Variants in MYL4 observed in about 807,000 individuals in gnomAD.
MYL4 encodes myosin light chain 4, also known as atrial myosin light chain 1.
Under a neutral mutation model 21.6 loss-of-function variants are expected in MYL4, and 16 were observed. The ratio of observed to expected loss-of-function variants is 0.74; its 90% CI spans 0.50 to 1.12. The LOEUF is 1.12. Among genes scored for constraint, MYL4 ranks in the 50% most tolerant of loss-of-function variants. The pLI is 0.00. For missense variants in MYL4, 249 were observed against 252.9 expected (o/e 0.98, Z 0.11); for synonymous variants, 82 against 95.7 (o/e 0.86, Z 0.83).
At chr17:47,205,535 CA>C (rs1469965746), upstream of MYL4, among the ~76,000 whole-genome samples, 2 of 152,202 alleles carry the variant, frequency 1.3e-5, no homozygotes, top group African/African-American at 4.8e-5. Flanking sequence ...TTAGTAAAAA[CA>C]AGGCCAGGGG....
chr17:47,206,270 C>T (rs530175180), upstream of MYL4, among the ~76,000 whole-genome samples: 102 of 152,080 alleles, frequency 6.7e-4, no homozygotes, highest in South Asian at 7.1e-3. Context: ...AACCTCATAG[C>T]TCTGTTCCCA....
upstream of MYL4, among the ~76,000 whole-genome samples, chr17:47,205,775 T>C (rs73327180): frequency 0.016 from 2,507 of 152,302 alleles, 55 homozygotes; most frequent in African/African-American, 0.056. Context: ...CCCTAGAGAC[T>C]TGCCACATGC....
Position 47,209,373 on chromosome 17 carries a change from C to G in MYL4, c.-50C>G, listed in dbSNP as rs199619967. 63 of 1,613,452 alleles carry G rather than the reference C, an allele frequency of 3.9e-5. No homozygotes were observed. Among genetic ancestry groups the G allele is most frequent in the Non-Finnish European group, 5.3e-5 (62 of 1,179,822 alleles). Reference sequence around the variant, plus strand: ...ATCTCATCTCCCAGACGCCACGTCTCTCGGTTTCTTCTTAGATCACTCCTC... The same window carrying G: ...ATCTCATCTCCCAGACGCCACGTCTGTCGGTTTCTTCTTAGATCACTCCTC... On this transcript the variant is annotated 5_prime_UTR_variant, in exon 1 of 7. Coordinates refer to ENST00000393450, the MANE Select transcript of MYL4 (RefSeq NM_002476.2).
At chr17:47,226,751 C>T (rs781080085), downstream of MYL4, among the ~76,000 whole-genome samples, 12 of 152,222 alleles carry the variant, frequency 7.9e-5, no homozygotes, top group Non-Finnish European at 1.0e-4. Context: ...GTTCTTTTAT[C>T]GTATGGTGTC....
chr17:47,205,285 G>T (rs2064723271), upstream of MYL4, among the ~76,000 whole-genome samples: 1 of 152,136 alleles, frequency 6.6e-6, no homozygotes, highest in African/African-American at 2.4e-5. Context: ...AAGTTGTTTG[G>T]CTGCCAGTAC....
the MYL4 span, among the ~76,000 whole-genome samples, chr17:47,192,815 C>G: frequency 6.6e-6 from 1 of 152,192 alleles, no homozygotes; most frequent in African/African-American, 2.4e-5. Flanking sequence ...CTTAAACTCG[C>G]TATTCATCAA....
At position 47,221,671 on chromosome 17, in the gene MYL4, C is replaced by A; in HGVS notation, c.314-11C>A. On this transcript the variant is annotated splice_polypyrimidine_tract_variant and intron_variant, in intron 3 of 6. Transcript: ENST00000393450. ...CATTGATTTCTCTTTCTTTACCCTGCCTGCCTGAAGAGATGAATGTCAAGA... is the reference window on the plus strand; with the variant it reads ...CATTGATTTCTCTTTCTTTACCCTGACTGCCTGAAGAGATGAATGTCAAGA... 1 of 1,608,608 alleles carries A rather than the reference C, an allele frequency of 6.2e-7. No homozygotes were observed. The highest frequency in any genetic ancestry group is 8.5e-7 in the Non-Finnish European group (1 of 1,176,476).
Position 47,220,019 on chromosome 17 carries a change from G to A in MYL4, c.279G>A (p.Glu93=). The A allele has an allele frequency of 1.2e-6, 2 of 1,614,110 alleles. No homozygotes were observed. Among genetic ancestry groups the A allele is most frequent in the Non-Finnish European group, 8.5e-7 (1 of 1,179,970 alleles). ...TGGGCCAGAACCCTACCAATGCCGA[G>A]GTGCTGCGTGTGCTGGGCAAGCCCA... ...RALGQNPTNA[E]VLRVLGKPKP... The change falls in exon 3 of 7, where the codon GAG becomes GAA. Residue 93 remains glutamate (E), a synonymous_variant. Coordinates refer to ENST00000393450, the MANE Select transcript of MYL4 (RefSeq NM_002476.2).
chr17:47,195,052 CTTTTTTTT>C, the MYL4 span, among the ~76,000 whole-genome samples: 1 of 113,934 alleles, frequency 8.8e-6, no homozygotes, highest in Non-Finnish European at 1.8e-5. Context: ...CTTCATGGAA[CTTTTTTTT>C]TTTTTTTTTT....
chr17:47,207,948 T>C (rs1286588726), upstream of MYL4, among the ~76,000 whole-genome samples: 4 of 152,146 alleles, frequency 2.6e-5, no homozygotes, highest in African/African-American at 7.2e-5. Flanking sequence ...TGCAGAAACT[T>C]GTATGTCTCT....
At chr17:47,219,222 C>A (rs748087848) in intron 2 of MYL4, among the ~76,000 whole-genome samples, 1 of 152,238 alleles carries the variant, frequency 6.6e-6, no homozygotes, top group Non-Finnish European at 1.5e-5. Context: ...GACTTTCCAG[C>A]GGTCTTATCA....
intron 2 of MYL4, among the ~76,000 whole-genome samples, chr17:47,215,770 C>T (rs761574124): frequency 6.6e-6 from 1 of 152,130 alleles, no homozygotes; most frequent in Non-Finnish European, 1.5e-5. Context: ...TGATATGCCT[C>T]AATTTATTTT....
At chr17:47,198,074 C>T (rs1469782610), upstream of MYL4, among the ~76,000 whole-genome samples, 2 of 152,112 alleles carry the variant, frequency 1.3e-5, no homozygotes, top group African/African-American at 4.8e-5. Flanking sequence ...ATGCTAACAG[C>T]TGAGGATTAT....
chr17:47,192,420 C>T, the MYL4 span, among the ~76,000 whole-genome samples: 13 of 151,744 alleles, frequency 8.6e-5, no homozygotes, highest in East Asian at 1.7e-3. Flanking sequence ...GAGGCCAAGG[C>T]GGGCAGATCA....
intron 1 of MYL4, among the ~76,000 whole-genome samples, chr17:47,212,299 T>TA (rs1276582143): frequency 6.6e-6 from 1 of 152,242 alleles, no homozygotes; most frequent in African/African-American, 2.4e-5. Context: ...TACTCAGCAT[T>TA]AAATTACTAT....
chr17:47,202,253 T>C (rs1052570336), intron 1 of MYL4, among the ~76,000 whole-genome samples: 5 of 152,216 alleles, frequency 3.3e-5, no homozygotes, highest in Admixed American at 2.6e-4. Context: ...CCCAAAGTGT[T>C]GGGATTACAG....
At chr17:47,210,626 G>A (rs2064766913) in intron 1 of MYL4, among the ~76,000 whole-genome samples, 1 of 152,074 alleles carries the variant, frequency 6.6e-6, no homozygotes, top group South Asian at 2.1e-4. Flanking sequence ...TTAAAACCCA[G>A]AGCTCTAATT....
At chr17:47,214,385 A>G (rs985696616) in intron 2 of MYL4, among the ~76,000 whole-genome samples, 30 of 152,308 alleles carry the variant, frequency 2.0e-4, no homozygotes, top group African/African-American at 6.7e-4. Context: ...GGCAGGGCCA[A>G]TGAAATGTTT....
intron 1 of MYL4, among the ~76,000 whole-genome samples, chr17:47,213,546 T>C (rs1369025885): frequency 6.6e-6 from 1 of 152,248 alleles, no homozygotes; most frequent in Non-Finnish European, 1.5e-5. Context: ...TATTGTTTTC[T>C]GAATATTTTC....
Sources: gnomAD v4.1 joint callset for allele counts (sites outside exome capture counted in the v4.1 genomes callset) on GRCh38, gnomAD v4.1.1 for gene constraint, MANE v1.5 for transcripts, NCBI Gene and HGNC (gene_info 2026-07-23, HGNC 2026-07-21) for gene names.